PDXDC1: variants seen among roughly 807,000 people sequenced by gnomAD.
PDXDC1 encodes pyridoxal-dependent decarboxylase domain-containing protein 1.
In PDXDC1, 42 loss-of-function variants were observed where a neutral mutation model predicts 100.1. The observed-to-expected ratio is 0.42, with a 90% CI of 0.33 to 0.54. PDXDC1 has a LOEUF of 0.54. PDXDC1 is among the 20% of genes least tolerant of loss of function. PDXDC1 has a pLI of 0.10. For missense variants in PDXDC1, 636 were observed against 979.2 expected, an observed-to-expected ratio of 0.65 and a Z score of 4.68; for synonymous variants, 260 against 371.7, an observed-to-expected ratio of 0.70 and a Z score of 3.46.
chr16:15,150,027 G>A, the PDXDC1 span, among the ~76,000 whole-genome samples: 11 of 152,024 alleles, frequency 7.2e-5, no homozygotes, highest in Admixed American at 7.2e-4. Flanking sequence ...AGGAAAAAGA[G>A]AGGAAGGGAA....
At chr16:15,130,257 G>T in intron 16 of PDXDC1, 9 of 1,547,598 alleles carry the variant, frequency 5.8e-6, no homozygotes, top group Non-Finnish European at 7.9e-6. Context: ...GCCGAAGGCG[G>T]TGAGGTGGCG....
chr16:15,086,308 T>C (rs376310085), intron 16 of PDXDC1: 8 of 1,602,186 alleles, frequency 5.0e-6, no homozygotes, highest in African/African-American at 2.7e-5. Flanking sequence ...ATATAACATA[T>C]ACTATTACCA....
At position 15,037,501 on chromosome 16, in the gene PDXDC1, T is replaced by TAA. The variant is rs1567745741; in HGVS notation, c.*1228_*1229dup. 1 of 152,532 alleles carries TAA rather than the reference T, an allele frequency of 6.6e-6. No homozygotes were observed. Among genetic ancestry groups the TAA allele is most frequent in the East Asian group, 1.9e-4 (1 of 5,212 alleles). The allele number at this position is 152,532 out of a possible 1,614,324, so 9.4% of individuals were successfully genotyped here. A position where few individuals can be genotyped will look rare whatever the true frequency, so the allele number is the denominator to read the frequency against. ...GGGGGTTTTTTTTGGTGCAGATGAT[T>TAA]AAACAGTCTTCCCTATTTGGTGCAA... On this transcript the variant is annotated 3_prime_UTR_variant, in exon 23 of 23. Transcript: ENST00000396410.
At chr16:15,125,219 G>C (rs1041134420) in intron 16 of PDXDC1, 1 of 455,776 alleles carries the variant, frequency 2.2e-6, no homozygotes, top group South Asian at 2.2e-5. Flanking sequence ...TAAAAGGAGA[G>C]ACCCAGTAAG....
At position 15,130,499 on chromosome 16, in the gene PDXDC1, G is replaced by T. The variant is rs1327809820; in HGVS notation, c.1400-8380G>T. 2.2e-6 allele frequency: 3 copies of T among 1,366,760 alleles called. No individual in the cohort carries two copies. The East Asian group carries it at 6.9e-5, about 31-fold the overall frequency. The allele number at this position is 1,366,760 out of a possible 1,614,324, so 84.7% of individuals were successfully genotyped here. On this transcript the variant is annotated intron_variant, in intron 16 of 16. Coordinates refer to the PDXDC1 transcript ENST00000535621. Reference sequence around the variant, plus strand: ...TGGACGTGAGCCCAGGCTCCGCCAGGTTGGATATCGGAGTCCCAGAGCCCA... The same window carrying T: ...TGGACGTGAGCCCAGGCTCCGCCAGTTTGGATATCGGAGTCCCAGAGCCCA...
At chr16:15,133,142 G>A (rs1412575791) in intron 16 of PDXDC1, 5 of 729,362 alleles carry the variant, frequency 6.9e-6, no homozygotes, top group South Asian at 1.7e-5. Flanking sequence ...CTGCTTCAGG[G>A]TCACTGGGAT....
chr16:15,018,581 G>A (rs1262516998), intron 11 of PDXDC1, among the ~76,000 whole-genome samples: 2 of 152,280 alleles, frequency 1.3e-5, no homozygotes, highest in Non-Finnish European at 2.9e-5. Flanking sequence ...GTTCTGGGAT[G>A]TGACCCATCT....
intron 4 of PDXDC1, among the ~76,000 whole-genome samples, chr16:15,002,592 A>G (rs1248767897): frequency 6.6e-6 from 1 of 152,294 alleles, no homozygotes; most frequent in African/African-American, 2.4e-5. Flanking sequence ...CACTGTTACA[A>G]ACATTGCTGC....
intron 16 of PDXDC1, chr16:15,123,298 C>G (rs2047530634): frequency 1.4e-6 from 2 of 1,464,652 alleles, no homozygotes; most frequent in Non-Finnish European, 1.8e-6. Flanking sequence ...AACCTGATTT[C>G]TGGTCCACCC....
At chr16:14,979,652 A>C (rs1366311970) in intron 1 of PDXDC1, among the ~76,000 whole-genome samples, 1 of 152,292 alleles carries the variant, frequency 6.6e-6, no homozygotes, top group African/African-American at 2.4e-5. Context: ...TTTCTGACCT[A>C]AATCAGCACA....
chr16:15,071,596 T>G (rs1455966561), intron 16 of PDXDC1, among the ~76,000 whole-genome samples: 7 of 151,872 alleles, frequency 4.6e-5, no homozygotes, highest in Admixed American at 3.3e-4. Flanking sequence ...GGAGAAACCC[T>G]GTCTCTACTA....
chr16:14,979,128 G>C (rs2151141672), intron 1 of PDXDC1, among the ~76,000 whole-genome samples: 1 of 152,408 alleles, frequency 6.6e-6, no homozygotes, highest in African/African-American at 2.4e-5. Flanking sequence ...TTTACATTGA[G>C]ATTAAAATTA....
At chr16:15,129,685 C>T (rs924735761) in intron 16 of PDXDC1, among the ~76,000 whole-genome samples, 22 of 152,156 alleles carry the variant, frequency 1.4e-4, no homozygotes, top group South Asian at 8.3e-4. Context: ...GCACCTACTT[C>T]CAGCTAGGAG....
chr16:15,144,152 G>A (rs2048517535), downstream of PDXDC1, among the ~76,000 whole-genome samples: 5 of 152,146 alleles, frequency 3.3e-5, no homozygotes, highest in South Asian at 4.1e-4. Context: ...CGTCCCTCCC[G>A]AGAGCAGGCC....
intron 13 of PDXDC1, among the ~76,000 whole-genome samples, chr16:15,024,861 T>G (rs1318383566): frequency 2.6e-5 from 4 of 152,306 alleles, no homozygotes; most frequent in Non-Finnish European, 4.4e-5. Context: ...TTCATCACTC[T>G]TACTACTATC....
intron 16 of PDXDC1, chr16:15,136,908 C>G: frequency 6.2e-7 from 1 of 1,600,478 alleles, no homozygotes; most frequent in South Asian, 1.1e-5. Context: ...ATGCTGTAGG[C>G]AGCCTCCAGG....
intron 16 of PDXDC1, chr16:15,071,163 TAATTTC>T: frequency 6.2e-7 from 1 of 1,610,372 alleles, no homozygotes; most frequent in Non-Finnish European, 8.5e-7. Context: ...GCTTCCAATA[TAATTTC>T]CAGCAGCCTG....
intron 16 of PDXDC1, among the ~76,000 whole-genome samples, chr16:15,083,279 G>C (rs545798330): frequency 2.0e-5 from 3 of 152,062 alleles, no homozygotes; most frequent in Admixed American, 6.5e-5. Context: ...GGCGCCTGCA[G>C]TCCCAGCTAA....
chr16:14,996,569 C>T (rs560164340), intron 1 of PDXDC1, among the ~76,000 whole-genome samples: 30 of 152,376 alleles, frequency 2.0e-4, no homozygotes, highest in East Asian at 5.8e-4. Context: ...GAAAGGAATG[C>T]GTATGTTTTA....
Sources: gnomAD v4.1 joint callset for allele counts (sites outside exome capture counted in the v4.1 genomes callset) on GRCh38, gnomAD v4.1.1 for gene constraint, MANE v1.5 for transcripts, NCBI Gene and HGNC (gene_info 2026-07-23, HGNC 2026-07-21) for gene names.